Variants in SPATA16 observed in about 807,000 individuals in gnomAD.
SPATA16 encodes spermatogenesis-associated protein 16.
In SPATA16, 36 loss-of-function variants were observed where a neutral mutation model predicts 63.3. That is an observed-to-expected ratio of 0.57 (90% confidence interval 0.44 to 0.75). The LOEUF (loss-of-function observed/expected upper bound fraction) is 0.75, where lower values mean the gene tolerates loss of function less well. Among genes scored for constraint, SPATA16 ranks in the 30% least tolerant of loss-of-function variants. SPATA16 has a pLI of 0.00. For missense variants in SPATA16, 646 were observed against 679.3 expected (o/e 0.95, Z 0.54); for synonymous variants, 203 against 216.7 (o/e 0.94, Z 0.56).
rs1737123184 is a variant in SPATA16, at chr3:173,088,076, T to TCTG, written c.612+29043_612+29044insCAG. Among the ~76,000 whole-genome samples, 27 of 120,190 alleles carry TCTG rather than the reference T, an allele frequency of 2.2e-4. 3 individuals carry two copies. Among genetic ancestry groups the TCTG allele is most frequent in the African/African-American group, 9.2e-4 (26 of 28,124 alleles). 78.8% of individuals were successfully genotyped at this position (120,190 alleles called of 152,430 possible). On this transcript the variant is annotated intron_variant, in intron 2 of 10. Transcript: ENST00000351008. ...TTTCTTTCTTTCTTTCTTTCTTTCT[T>TCTG]TCTGTCTTTTCTTTTTTTTTTTTTT... is the stretch of plus-strand genomic sequence containing the variant.
At chr3:173,096,720 G>C (rs146894491) in intron 2 of SPATA16, among the ~76,000 whole-genome samples, 2 of 152,014 alleles carry the variant, frequency 1.3e-5, no homozygotes, top group South Asian at 2.1e-4. Flanking sequence ...TTGAATTTAG[G>C]TAATGTATCC....
chr3:172,977,814 A>G (rs1487173759), intron 4 of SPATA16, among the ~76,000 whole-genome samples: 6 of 152,166 alleles, frequency 3.9e-5, no homozygotes, highest in Non-Finnish European at 8.8e-5. Flanking sequence ...TAGCCAATTA[A>G]ACATATAATA....
At chr3:172,936,509 C>T in intron 6 of SPATA16, among the ~76,000 whole-genome samples, 1 of 152,092 alleles carries the variant, frequency 6.6e-6, no homozygotes, top group East Asian at 1.9e-4. Flanking sequence ...CCTTTACTTG[C>T]TGTTACTGCA....
At chr3:173,056,415 A>G (rs1694567509) in intron 2 of SPATA16, among the ~76,000 whole-genome samples, 1 of 152,196 alleles carries the variant, frequency 6.6e-6, no homozygotes, top group Admixed American at 6.5e-5. Context: ...GCTGACATGT[A>G]AGAAATGCCG....
At chr3:173,113,841 T>A (rs777342744) in intron 2 of SPATA16, among the ~76,000 whole-genome samples, 1 of 152,222 alleles carries the variant, frequency 6.6e-6, no homozygotes, top group Non-Finnish European at 1.5e-5. Context: ...ACCAGTCCTC[T>A]ACACACTCTT....
chr3:172,965,949 A>G (rs867582361), intron 5 of SPATA16, among the ~76,000 whole-genome samples: 2 of 152,142 alleles, frequency 1.3e-5, no homozygotes, highest in Non-Finnish European at 2.9e-5. Context: ...AAGACTTTAT[A>G]TTTTAAAAAG....
intron 3 of SPATA16, among the ~76,000 whole-genome samples, chr3:173,040,808 G>A (rs1735821628): frequency 6.6e-6 from 1 of 152,080 alleles, no homozygotes; most frequent in South Asian, 2.1e-4. Context: ...GGAGAACTAA[G>A]TGAGATAGCT....
intron 6 of SPATA16, among the ~76,000 whole-genome samples, chr3:172,951,936 C>A (rs552515972): frequency 6.6e-6 from 1 of 152,302 alleles, no homozygotes; most frequent in East Asian, 1.9e-4. Flanking sequence ...CGACCTTCAT[C>A]TGTTGATTAT....
chr3:172,977,802 G>A (rs1055059081), intron 4 of SPATA16, among the ~76,000 whole-genome samples: 9 of 152,130 alleles, frequency 5.9e-5, no homozygotes, highest in South Asian at 2.1e-4. Context: ...AAATTGTCAC[G>A]TTAGCCAATT....
Position 172,896,306 on chromosome 3 carries a change from C to T in SPATA16, c.1588-6614G>A, listed in dbSNP as rs540311314. Among the ~76,000 whole-genome samples the T allele has an allele frequency of 3.0e-4, 45 of 152,242 alleles. No homozygotes were observed. The East Asian group carries it at 3.3e-3, about 11-fold the overall frequency. On this transcript the variant is annotated intron_variant, in intron 10 of 10. Transcript: ENST00000351008. ...CGTGATCTCGGCTCACTGCAAGCTC[C>T]GCCTCCCGGGTTCACGCCATTCTTC...
chr3:173,082,624 G>A (rs933324374), intron 2 of SPATA16, among the ~76,000 whole-genome samples: 1 of 152,314 alleles, frequency 6.6e-6, no homozygotes, highest in Admixed American at 6.5e-5. Flanking sequence ...CAGGGAATTC[G>A]AGTATCCCTG....
chr3:173,116,858 A>G (rs74770509), intron 2 of SPATA16, among the ~76,000 whole-genome samples: 1,698 of 152,294 alleles, frequency 0.011, 29 homozygotes, highest in African/African-American at 0.039. Flanking sequence ...ATATATCACC[A>G]TTCACTTCAG....
chr3:173,061,716 A>G (rs1318382813), intron 2 of SPATA16, among the ~76,000 whole-genome samples: 1 of 152,234 alleles, frequency 6.6e-6, no homozygotes, highest in African/African-American at 2.4e-5. Flanking sequence ...TACATTTTCC[A>G]TCATTTTGTT....
In SPATA16 at chr3:173,021,796, C is replaced by A. The variant is rs9841373; in HGVS notation, c.759-2221G>T. Among the ~76,000 whole-genome samples, 532 of 150,258 alleles carry A rather than the reference C, an allele frequency of 3.5e-3. 4 individuals carry two copies. The highest frequency in any genetic ancestry group is 0.013 in the African/African-American group (517 of 40,942). On this transcript the variant is annotated intron_variant, in intron 3 of 10. Coordinates refer to ENST00000351008, the MANE Select transcript of SPATA16 (RefSeq NM_031955.6). ...ATCCACAAGTCTATGAGGTGTACTC[C>A]CTATTACTTTATTCACTTATTCACT... is the stretch of plus-strand genomic sequence containing the variant.
chr3:173,016,892 T>C (rs1735201992), intron 4 of SPATA16, among the ~76,000 whole-genome samples: 1 of 151,870 alleles, frequency 6.6e-6, no homozygotes, highest in Non-Finnish European at 1.5e-5. Context: ...TGTGTGCCTA[T>C]AGACCCAGCT....
chr3:173,031,072 A>G lies in SPATA16; in HGVS notation c.759-11497T>C, dbSNP rs566374757. On this transcript the variant is annotated intron_variant, in intron 3 of 10. Transcript: ENST00000351008. Reference sequence around the variant, plus strand: ...AGCAGAATGGTGATTGCCAGGGGACAGGAGGAAAGGGGAACAGGGATTTGT... The same window carrying G: ...AGCAGAATGGTGATTGCCAGGGGACGGGAGGAAAGGGGAACAGGGATTTGT... 7.9e-5 allele frequency among the ~76,000 whole-genome samples: 12 copies of G among 152,178 alleles called. No individual in the cohort carries two copies. In the South Asian group the frequency reaches 2.3e-3, roughly 29 times the overall value.
At chr3:172,941,165 G>C (rs989872928) in intron 6 of SPATA16, among the ~76,000 whole-genome samples, 1 of 152,098 alleles carries the variant, frequency 6.6e-6, no homozygotes, top group Non-Finnish European at 1.5e-5. Flanking sequence ...AGCAGACAAA[G>C]ACATGGAGAA....
At chr3:173,080,833 G>A (rs75707542) in intron 2 of SPATA16, among the ~76,000 whole-genome samples, 2,364 of 152,236 alleles carry the variant, frequency 0.016, 66 homozygotes, top group African/African-American at 0.055. Context: ...TGCATAATGT[G>A]CAAGAGTTCT....
chr3:172,891,721 C>A (rs994323606), intron 10 of SPATA16, among the ~76,000 whole-genome samples: 5 of 152,264 alleles, frequency 3.3e-5, no homozygotes, highest in Admixed American at 3.3e-4. Context: ...TATCTGAGCA[C>A]AGCCATGCAT....
Sources: gnomAD v4.1 joint callset for allele counts (sites outside exome capture counted in the v4.1 genomes callset) on GRCh38, gnomAD v4.1.1 for gene constraint, MANE v1.5 for transcripts, NCBI Gene and HGNC (gene_info 2026-07-23, HGNC 2026-07-21) for gene names.